Variants in TMEM107 observed in about 807,000 individuals in gnomAD.
TMEM107 encodes transmembrane protein 107.
Under a neutral mutation model 16.8 loss-of-function variants are expected in TMEM107, and 18 were observed. The ratio of observed to expected loss-of-function variants is 1.07; its 90% CI spans 0.74 to 1.59. The LOEUF is 1.59. Among genes scored for constraint, TMEM107 ranks in the 40% most tolerant of loss-of-function variants. The pLI is 0.00. For missense variants in TMEM107, 152 were observed against 175.4 expected (o/e 0.87, Z 0.75); for synonymous variants, 68 against 71.6 (o/e 0.95, Z 0.25).
rs775433751 is a variant in TMEM107, at chr17:8,174,059, C to G, written c.*144G>C. ...AATACAATGCGGATAATCCCAGACT[C>G]AAGACGTAATTATTCCAACACATAT... On this transcript the variant is annotated 3_prime_UTR_variant, in exon 5 of 5. Transcript: ENST00000437139. 3 of 691,268 alleles carry G rather than the reference C, an allele frequency of 4.3e-6. No individual in the cohort carries two copies. The highest frequency in any genetic ancestry group is 2.6e-5 in the East Asian group (1 of 39,114). 42.8% of individuals were successfully genotyped at this position (691,268 alleles called of 1,614,324 possible). A position where few individuals can be genotyped will look rare whatever the true frequency, so the allele number is the denominator to read the frequency against.
Position 8,175,829 on chromosome 17 carries a change from C to T in TMEM107, c.184G>A (p.Gly62Ser), listed in dbSNP as rs747945881. ...CCGGCCAGCTCCACTGCAAAGAGGC[C>T]CAGGGTGACAGAGAGCGCGGCCACC... The part of the protein sequence containing the change: ...QLVAALSVTL[G>S]LFAVELAGFL... Residue 62 changes from glycine (G) to serine (S), a missense_variant, in exon 3 of 5, where the codon GGC becomes AGC. Coordinates refer to ENST00000437139, the MANE Select transcript of TMEM107 (RefSeq NM_183065.4). 43 of 1,614,014 alleles carry T rather than the reference C, an allele frequency of 2.7e-5. No homozygotes were observed. The highest frequency in any genetic ancestry group is 3.5e-5 in the Non-Finnish European group (41 of 1,180,050).
chr17:8,176,110 A>C, intron 1 of TMEM107, 84 bp from the exon 2 acceptor site: 1 of 1,604,252 alleles, frequency 6.2e-7, no homozygotes, highest in Non-Finnish European at 8.5e-7. Flanking sequence ...AGAAAACCCA[A>C]GAGGGTAAGA....
At chr17:8,176,064 C>A in intron 1 of TMEM107, 38 bp from the exon 2 acceptor site, 1 of 1,613,562 alleles carries the variant, frequency 6.2e-7, no homozygotes, top group Non-Finnish European at 8.5e-7. Flanking sequence ...GAAAAAGGGG[C>A]AGGCTGCAGG....
At position 8,173,449 on chromosome 17, in the gene TMEM107, A is replaced by T. The variant is rs189619265; in HGVS notation, c.*754T>A. ...TAACACAAATGTAAGTGATCGTCAGAAAGAATCAGACAGGAGCAATCAGGG... is the reference window on the plus strand; with the variant it reads ...TAACACAAATGTAAGTGATCGTCAGTAAGAATCAGACAGGAGCAATCAGGG... On this transcript the variant is annotated 3_prime_UTR_variant, in exon 5 of 5. Coordinates refer to ENST00000437139, the MANE Select transcript of TMEM107 (RefSeq NM_183065.4). The T allele has an allele frequency of 2.6e-6, 2 of 762,620 alleles. No individual in the cohort carries two copies. The highest frequency in any genetic ancestry group is 4.8e-6 in the Non-Finnish European group (2 of 416,980). 47.2% of individuals were successfully genotyped at this position (762,620 alleles called of 1,614,324 possible). A position where few individuals can be genotyped will look rare whatever the true frequency, so the allele number is the denominator to read the frequency against.
intron 3 of TMEM107, 192 bp downstream of exon 3, chr17:8,175,565 T>C: frequency 1.5e-6 from 1 of 681,990 alleles, no homozygotes; most frequent in Non-Finnish European, 2.7e-6. Flanking sequence ...TGAGCCAACA[T>C]GCCTGGCCAA....
rs529248650 is a variant in TMEM107, at chr17:8,173,456, C to G, written c.*747G>C. On this transcript the variant is annotated 3_prime_UTR_variant, in exon 5 of 5. Transcript: ENST00000437139. ...AATGTAAGTGATCGTCAGAAAGAAT[C>G]AGACAGGAGCAATCAGGGTGTTGCA... 2.6e-6 allele frequency: 2 copies of G among 763,244 alleles called. No homozygotes were observed. The highest frequency in any genetic ancestry group is 4.8e-6 in the Non-Finnish European group (2 of 417,308). 47.3% of individuals were successfully genotyped at this position (763,244 alleles called of 1,614,324 possible).
At position 8,174,167 on chromosome 17, in the gene TMEM107, G is replaced by C; in HGVS notation, c.*36C>G. 2 of 1,600,066 alleles carry C rather than the reference G, an allele frequency of 1.2e-6. No individual in the cohort carries two copies. The highest frequency in any genetic ancestry group is 1.7e-6 in the Non-Finnish European group (2 of 1,167,238). On this transcript the variant is annotated 3_prime_UTR_variant, in exon 5 of 5. Coordinates refer to ENST00000437139, the MANE Select transcript of TMEM107 (RefSeq NM_183065.4). ...GGAATACGAAGCGGCCCTTGCCCCT[G>C]TAGGCTTCGTCCTTAGGTTCCCGTC...
At chr17:8,174,822 T>G (rs1034506243) in intron 3 of TMEM107, 15 of 577,024 alleles carry the variant, frequency 2.6e-5, no homozygotes, top group Non-Finnish European at 4.6e-5. Context: ...AGATCGGACC[T>G]CAGGCTACCC....
In TMEM107 at chr17:8,173,277, A is replaced by C. The variant is rs1293495410; in HGVS notation, c.*926T>G. The C allele has an allele frequency of 1.9e-6, 1 of 532,604 alleles. No individual in the cohort carries two copies. Among genetic ancestry groups the C allele is most frequent in the Non-Finnish European group, 3.4e-6 (1 of 297,104 alleles). 33.0% of individuals were successfully genotyped at this position (532,604 alleles called of 1,614,324 possible). On this transcript the variant is annotated 3_prime_UTR_variant, in exon 5 of 5. Coordinates refer to ENST00000437139, the MANE Select transcript of TMEM107 (RefSeq NM_183065.4). The stretch of plus-strand genomic sequence containing the variant: ...TGCCTAAATTCCAGAAAGCAACAAA[A>C]ACCAAATCACAATTTTCAAGAACAA...
At chr17:8,175,721 G>C (rs749468778) in intron 3 of TMEM107, 36 bp downstream of exon 3, 1 of 1,551,300 alleles carries the variant, frequency 6.4e-7, no homozygotes, top group South Asian at 1.1e-5. Flanking sequence ...GATAGAAGTG[G>C]GTCGTGTGGG....
At position 8,174,472 on chromosome 17, in the gene TMEM107, T is replaced by C. The variant is rs550095591; in HGVS notation, c.353+48A>G. On this transcript the variant is annotated intron_variant, in intron 4 of 4. Coordinates refer to ENST00000437139, the MANE Select transcript of TMEM107 (RefSeq NM_183065.4). ...TGGGTAGGGGAAAAACCTTCAGGTT[T>C]AGGGCCAACCTTCCTCCCTCATCCC... 34 of 1,580,624 alleles carry C rather than the reference T, an allele frequency of 2.2e-5. 3 individuals are homozygous for C. In the South Asian group the frequency reaches 3.7e-4, roughly 17 times the overall value.
rs2151868522 is a variant in TMEM107 at position 8,173,183 on chromosome 17, G to A, written c.*1020C>T. On this transcript the variant is annotated 3_prime_UTR_variant, in exon 5 of 5. Transcript: ENST00000437139. ...CTGCAGATATTTACTGATGTGCAATGTTTCCTGAGAAGTGAGGATTAAAGT... is the reference window on the plus strand; with the variant it reads ...CTGCAGATATTTACTGATGTGCAATATTTCCTGAGAAGTGAGGATTAAAGT... 2 of 371,320 alleles carry A rather than the reference G, an allele frequency of 5.4e-6. No individual in the cohort carries two copies. Among genetic ancestry groups the A allele is most frequent in the South Asian group, 3.0e-5 (1 of 33,168 alleles). The allele number at this position is 371,320 out of a possible 1,614,324, so 23.0% of individuals were successfully genotyped here. A position where few individuals can be genotyped will look rare whatever the true frequency, so the allele number is the denominator to read the frequency against.
Position 8,173,175 on chromosome 17 carries a change from T to C in TMEM107, c.*1028A>G, listed in dbSNP as rs959889736. 13 of 360,664 alleles carry C rather than the reference T, an allele frequency of 3.6e-5. No individual in the cohort carries two copies. Among genetic ancestry groups the C allele is most frequent in the African/African-American group, 1.9e-4 (9 of 47,764 alleles). The allele number at this position is 360,664 out of a possible 1,614,324, so 22.3% of individuals were successfully genotyped here. ...GCACAAGACTGCAGATATTTACTGATGTGCAATGTTTCCTGAGAAGTGAGG... is the reference window on the plus strand; with the variant it reads ...GCACAAGACTGCAGATATTTACTGACGTGCAATGTTTCCTGAGAAGTGAGG... On this transcript the variant is annotated 3_prime_UTR_variant, in exon 5 of 5. Transcript: ENST00000437139.
chr17:8,176,123 C>T, intron 1 of TMEM107, 77 bp downstream of exon 1: 2 of 1,601,448 alleles, frequency 1.2e-6, no homozygotes, highest in Non-Finnish European at 1.7e-6. Flanking sequence ...GGGTAAGACA[C>T]TGGGAGGGGG....
chr17:8,175,890 T>C, intron 2 of TMEM107, 33 bp from the exon 3 acceptor site: 1 of 1,614,160 alleles, frequency 6.2e-7, no homozygotes, highest in Non-Finnish European at 8.5e-7. Context: ...CCCAGGCCTT[T>C]GGACTTATTC....
In TMEM107 at chr17:8,174,230, G is replaced by A; in HGVS notation, c.396C>T (p.Val132=). Residue 132 remains valine, a synonymous_variant, in exon 5 of 5, where the codon GTC becomes GTT. Transcript: ENST00000437139. ...AGAAGGGTTTCTTTTTCAGCCCAAA[G>A]ACGGTGACGAATAAAGCCATTTCAG... is the stretch of plus-strand genomic sequence containing the variant. ...AVTEMALFVT[V]FGLKKKPF The A allele has an allele frequency of 6.2e-7, 1 of 1,614,180 alleles. No homozygotes were observed. The highest frequency in any genetic ancestry group is 8.5e-7 in the Non-Finnish European group (1 of 1,180,020).
In TMEM107 at chr17:8,173,262, C is replaced by T. The variant is rs1405302568; in HGVS notation, c.*941G>A. The T allele has an allele frequency of 5.6e-5, 29 of 515,806 alleles. No homozygotes were observed. Among genetic ancestry groups the T allele is most frequent in the Non-Finnish European group, 1.0e-4 (29 of 287,718 alleles). The allele number at this position is 515,806 out of a possible 1,614,324, so 32.0% of individuals were successfully genotyped here. On this transcript the variant is annotated 3_prime_UTR_variant, in exon 5 of 5. Coordinates refer to ENST00000437139, the MANE Select transcript of TMEM107 (RefSeq NM_183065.4). Reference sequence around the variant, plus strand: ...TTTGTATTATTTCACTGCCTAAATTCCAGAAAGCAACAAAAACCAAATCAC... The same window carrying T: ...TTTGTATTATTTCACTGCCTAAATTTCAGAAAGCAACAAAAACCAAATCAC...
rs1443247966 is a variant in TMEM107, at chr17:8,172,953, G to A, written c.*1250C>T. 3.3e-5 allele frequency among the ~76,000 whole-genome samples: 5 copies of A among 151,776 alleles called. No individual in the cohort carries two copies. Among genetic ancestry groups the A allele is most frequent in the Non-Finnish European group, 7.4e-5 (5 of 67,984 alleles). On this transcript the variant is annotated 3_prime_UTR_variant, in exon 5 of 5. Coordinates refer to ENST00000437139, the MANE Select transcript of TMEM107 (RefSeq NM_183065.4). ...AGTCTGAAAAGTGACTCTGGATTTG[G>A]GAAGAAGTCATTGGTGATGATGAGT...
chr17:8,174,648 TG>T, intron 3 of TMEM107, 32 bp from the exon 4 acceptor site: 1 of 1,597,174 alleles, frequency 6.3e-7, no homozygotes, highest in Non-Finnish European at 8.6e-7. Context: ...GGAAAGTCTT[TG>T]GATCGACAGA....
Sources: gnomAD v4.1 joint callset for allele counts (sites outside exome capture counted in the v4.1 genomes callset) on GRCh38, gnomAD v4.1.1 for gene constraint, MANE v1.5 for transcripts, NCBI Gene and HGNC (gene_info 2026-07-23, HGNC 2026-07-21) for gene names.